PTPRM: variants seen among roughly 807,000 people sequenced by gnomAD.
PTPRM encodes the protein protein tyrosine phosphatase receptor type M.
Under a neutral mutation model 186.7 loss-of-function variants are expected in PTPRM, and 47 were observed. That is an observed-to-expected ratio of 0.25 (90% confidence interval 0.20 to 0.32). The LOEUF is 0.32. PTPRM is among the 10% of genes least tolerant of loss of function. The pLI is 1.00. For missense variants in PTPRM, 1,494 were observed against 1,865.0 expected, an observed-to-expected ratio of 0.80 and a Z score of 3.66; for synonymous variants, 668 against 674.9, an observed-to-expected ratio of 0.99 and a Z score of 0.16.
intron 14 of PTPRM, among the ~76,000 whole-genome samples, chr18:8,184,636 A>G (rs1442083536): frequency 1.3e-5 from 2 of 152,220 alleles, no homozygotes; most frequent in African/African-American, 2.4e-5. Flanking sequence ...AAGGAAGACA[A>G]TTTGCCCTAA....
chr18:8,132,452 C>G lies in PTPRM; in HGVS notation c.2168-11195C>G, dbSNP rs116687582. 9.1e-3 allele frequency among the ~76,000 whole-genome samples: 1,391 copies of G among 152,158 alleles called. 21 individuals carry two copies. The highest frequency in any genetic ancestry group is 0.032 in the African/African-American group (1,318 of 41,532). On this transcript the variant is annotated intron_variant, in intron 13 of 32. Transcript: ENST00000580170. The stretch of plus-strand genomic sequence containing the variant: ...ATGAGTAACAAAGTCCGAAAATGCT[C>G]CCATGGTAGGATCATAGGACTGCAA...
intron 1 of PTPRM, among the ~76,000 whole-genome samples, chr18:7,596,459 A>C (rs943632515): frequency 6.6e-6 from 1 of 152,212 alleles, no homozygotes; most frequent in Non-Finnish European, 1.5e-5. Flanking sequence ...CACAAGATGC[A>C]GGGTGAGTAC....
At chr18:8,032,556 T>A (rs2148073188) in intron 7 of PTPRM, among the ~76,000 whole-genome samples, 1 of 152,272 alleles carries the variant, frequency 6.6e-6, no homozygotes, top group African/African-American at 2.4e-5. Context: ...TCTACAAATT[T>A]AATATAATTT....
intron 11 of PTPRM, among the ~76,000 whole-genome samples, chr18:8,103,476 C>G (rs937351591): frequency 2.6e-5 from 4 of 152,200 alleles, no homozygotes; most frequent in East Asian, 1.9e-4. Flanking sequence ...TTTCTTAAAC[C>G]TCATGAACCA....
intron 7 of PTPRM, among the ~76,000 whole-genome samples, chr18:7,956,359 C>G (rs2053309937): frequency 6.6e-6 from 1 of 152,168 alleles, no homozygotes; most frequent in South Asian, 2.1e-4. Context: ...TAAACCTTAA[C>G]CATTGTAGCT....
chr18:7,842,887 GTA>G (rs1555616839), intron 2 of PTPRM, among the ~76,000 whole-genome samples: 6 of 127,212 alleles, frequency 4.7e-5, no homozygotes, highest in Non-Finnish European at 6.3e-5. Flanking sequence ...TTTCTCGTGT[GTA>G]TATATATATA....
At chr18:8,317,870 A>G (rs1397516644) in intron 21 of PTPRM, among the ~76,000 whole-genome samples, 1 of 152,194 alleles carries the variant, frequency 6.6e-6, no homozygotes, top group Non-Finnish European at 1.5e-5. Flanking sequence ...CCTCGGACAT[A>G]TAGTATGGAT....
At chr18:7,927,555 T>C (rs1388642594) in intron 5 of PTPRM, among the ~76,000 whole-genome samples, 2 of 152,114 alleles carry the variant, frequency 1.3e-5, no homozygotes, top group Non-Finnish European at 1.5e-5. Context: ...AACCCTTCTG[T>C]GTACGCGGTT....
At chr18:7,847,107 G>A (rs985137997) in intron 2 of PTPRM, among the ~76,000 whole-genome samples, 1 of 150,232 alleles carries the variant, frequency 6.7e-6, no homozygotes, top group African/African-American at 2.5e-5. Flanking sequence ...GCAGAGTGTA[G>A]TGTTGGATTT....
intron 11 of PTPRM, among the ~76,000 whole-genome samples, chr18:8,105,342 A>G (rs1371581576): frequency 1.3e-5 from 2 of 152,200 alleles, no homozygotes. Flanking sequence ...TTACTGCCAG[A>G]AAACAAAGAT....
At chr18:7,890,211 G>T (rs2049001348) in intron 3 of PTPRM, among the ~76,000 whole-genome samples, 2 of 152,098 alleles carry the variant, frequency 1.3e-5, no homozygotes, top group South Asian at 4.2e-4. Context: ...AATTCCTTTG[G>T]CTCAGACAGG....
chr18:7,700,836 A>C (rs994505294), intron 1 of PTPRM, among the ~76,000 whole-genome samples: 17 of 152,030 alleles, frequency 1.1e-4, no homozygotes, highest in Non-Finnish European at 1.8e-4. Flanking sequence ...CAAAAAATAC[A>C]AAAATTATCT....
chr18:7,902,293 G>A (rs1398176111), intron 3 of PTPRM, among the ~76,000 whole-genome samples: 3 of 152,208 alleles, frequency 2.0e-5, no homozygotes, highest in Admixed American at 6.5e-5. Context: ...GCAGATAGAA[G>A]CTTGTCTCTA....
In PTPRM at chr18:8,178,493, G is replaced by C. The variant is rs114825246; in HGVS notation, c.2300+34714G>C. On this transcript the variant is annotated intron_variant, in intron 14 of 32. Coordinates refer to ENST00000580170, the MANE Select transcript of PTPRM (RefSeq NM_001105244.2). ...GCCACATAGGCTCCTTTTAAAATTG[G>C]CTTTGATGGGCTGGGCACGGTGGCT... Among the ~76,000 whole-genome samples the C allele has an allele frequency of 3.3e-3, 507 of 152,222 alleles. 2 individuals are homozygous for C. The highest frequency in any genetic ancestry group is 0.012 in the African/African-American group (481 of 41,542).
At chr18:8,258,635 A>C (rs1423321572) in intron 19 of PTPRM, among the ~76,000 whole-genome samples, 33 of 151,994 alleles carry the variant, frequency 2.2e-4, no homozygotes, top group Admixed American at 2.2e-3. Flanking sequence ...AGACAACCTT[A>C]AGTAGGAAAA....
At chr18:7,611,304 T>A (rs1222393249) in intron 1 of PTPRM, among the ~76,000 whole-genome samples, 1 of 152,032 alleles carries the variant, frequency 6.6e-6, no homozygotes, top group Non-Finnish European at 1.5e-5. Context: ...AAGTGCACAG[T>A]GTTTATAAAG....
At chr18:8,403,002 G>C (rs2095880335) in intron 32 of PTPRM, 1 of 152,162 alleles carries the variant, frequency 6.6e-6, no homozygotes, top group East Asian at 1.9e-4. Flanking sequence ...GGCAAACCAA[G>C]TCCAAAAGTT....
chr18:8,327,340 A>C (rs1449150986), intron 22 of PTPRM, among the ~76,000 whole-genome samples: 1 of 152,244 alleles, frequency 6.6e-6, no homozygotes, highest in Non-Finnish European at 1.5e-5. Flanking sequence ...TGAAAACTGT[A>C]ACCACCCATC....
chr18:7,578,470 G>A (rs1225926764), intron 1 of PTPRM, among the ~76,000 whole-genome samples: 1 of 151,734 alleles, frequency 6.6e-6, no homozygotes, highest in Non-Finnish European at 1.5e-5. Context: ...CGAGTAGCTG[G>A]GGCTATAGGC....
Sources: gnomAD v4.1 joint callset for allele counts (sites outside exome capture counted in the v4.1 genomes callset) on GRCh38, gnomAD v4.1.1 for gene constraint, MANE v1.5 for transcripts, NCBI Gene and HGNC (gene_info 2026-07-23, HGNC 2026-07-21) for gene names.